The following FOXP1 variants were observed in gnomAD, a reference collection of about 807,000 sequenced individuals.
FOXP1 encodes the protein forkhead box P1.
FOXP1 carries 15 observed loss-of-function variants against 98.2 expected under a neutral mutation model. That is an observed-to-expected ratio of 0.15 (90% CI 0.10 to 0.24). The LOEUF (loss-of-function observed/expected upper bound fraction) is 0.24, where lower values mean the gene tolerates loss of function less well. Ranked by LOEUF, FOXP1 falls within the 10% of genes least tolerant of loss-of-function variation. FOXP1 has a pLI of 1.00. For missense variants in FOXP1, 633 were observed against 848.5 expected (o/e 0.75, Z 3.15); for synonymous variants, 371 against 314.5 (o/e 1.18, Z -1.90).
chr3:71,015,470 A>T, intron 12 of FOXP1, 79 bp downstream of exon 12: 1 of 952,418 alleles, frequency 1.0e-6, no homozygotes. Flanking sequence ...TCCATCAAAA[A>T]GGCATTTTAT....
chr3:71,528,397 T>C (rs2043565542), intron 2 of FOXP1, among the ~76,000 whole-genome samples: 1 of 152,236 alleles, frequency 6.6e-6, no homozygotes, highest in Non-Finnish European at 1.5e-5. Context: ...CCTAATTATA[T>C]ACCGCCTAAA....
At chr3:71,430,814 T>G (rs2084639245) in intron 3 of FOXP1, among the ~76,000 whole-genome samples, 1 of 151,304 alleles carries the variant, frequency 6.6e-6, no homozygotes, top group African/African-American at 2.4e-5. Context: ...CATGGGCTGT[T>G]GGGGGAGGGG....
chr3:71,380,306 T>C (rs1470869729), intron 3 of FOXP1, among the ~76,000 whole-genome samples: 8 of 152,180 alleles, frequency 5.3e-5, no homozygotes, highest in Non-Finnish European at 1.2e-4. Flanking sequence ...GTTCTAATTT[T>C]ACATCCACAA....
At chr3:71,140,994 C>T (rs1044885033) in intron 6 of FOXP1, among the ~76,000 whole-genome samples, 3 of 151,312 alleles carry the variant, frequency 2.0e-5, no homozygotes, top group African/African-American at 7.3e-5. Context: ...CCAGGCTGGG[C>T]GTGGTGGTTC....
At chr3:70,995,553 T>C (rs2041246251) in intron 13 of FOXP1, among the ~76,000 whole-genome samples, 1 of 152,208 alleles carries the variant, frequency 6.6e-6, no homozygotes, top group Admixed American at 6.5e-5. Context: ...CCCAAATGAT[T>C]TTTATGGTGT....
chr3:71,278,748 C>T (rs2071188170), intron 5 of FOXP1, among the ~76,000 whole-genome samples: 1 of 152,226 alleles, frequency 6.6e-6, no homozygotes, highest in South Asian at 2.1e-4. Context: ...TGCCACTGTA[C>T]TCCAGCCTGG....
chr3:71,384,217 AAAACAAAC>A lies in FOXP1; in HGVS notation c.-167-24981_-167-24974del, dbSNP rs57270594. ...CAACAGAGTGGGACTCCGTCTCAGCAAAACAAACAAACAAACAAACAAACAAACCAACA... is the reference window on the plus strand; with the variant it reads ...CAACAGAGTGGGACTCCGTCTCAGCAAAACAAACAAACAAACAAACCAACA... On this transcript the variant is annotated intron_variant, in intron 3 of 20. Transcript: ENST00000649528. 6.8e-4 allele frequency among the ~76,000 whole-genome samples: 103 copies of A among 152,202 alleles called. 2 individuals carry two copies. The highest frequency in any genetic ancestry group is 2.2e-3 in the African/African-American group (92 of 41,500).
At chr3:71,480,025 G>C (rs2090149074) in intron 3 of FOXP1, among the ~76,000 whole-genome samples, 1 of 152,100 alleles carries the variant, frequency 6.6e-6, no homozygotes, top group African/African-American at 2.4e-5. Context: ...GGGAAACCCT[G>C]TCTCTACTAA....
chr3:71,520,077 A>G (rs1255109059), intron 2 of FOXP1, among the ~76,000 whole-genome samples: 1 of 152,252 alleles, frequency 6.6e-6, no homozygotes, highest in Non-Finnish European at 1.5e-5. Flanking sequence ...AGAAGAAAAG[A>G]AAGTGCATGA....
At chr3:71,021,870 G>GT (rs2107799303) in intron 11 of FOXP1, among the ~76,000 whole-genome samples, 1 of 152,222 alleles carries the variant, frequency 6.6e-6, no homozygotes, top group South Asian at 2.1e-4. Flanking sequence ...TAATTGGGCT[G>GT]TTTTTTGCAA....
At chr3:71,226,358 G>A (rs895224388) in intron 5 of FOXP1, among the ~76,000 whole-genome samples, 1 of 152,170 alleles carries the variant, frequency 6.6e-6, no homozygotes, top group African/African-American at 2.4e-5. Context: ...CTAGATGGAT[G>A]AGGCTGACAT....
intron 17 of FOXP1, among the ~76,000 whole-genome samples, chr3:70,976,024 T>C (rs2037422374): frequency 1.9e-5 from 2 of 105,872 alleles, no homozygotes; most frequent in African/African-American, 5.8e-5. Flanking sequence ...TTTTCTTCCT[T>C]AGTATATCTA....
intron 6 of FOXP1, among the ~76,000 whole-genome samples, chr3:71,176,743 C>CAAAAA (rs573639526): frequency 2.3e-4 from 17 of 75,548 alleles, no homozygotes; most frequent in African/African-American, 9.3e-4. Context: ...GAGGCTATCT[C>CAAAAA]AAAAAAAAAA....
intron 4 of FOXP1, among the ~76,000 whole-genome samples, chr3:71,308,752 TGTGTGTG>T (rs2074465955): frequency 5.0e-4 from 2 of 3,978 alleles, no homozygotes; most frequent in Non-Finnish European, 8.1e-3. Flanking sequence ...TACCACAATG[TGTGTGTG>T]TGTGTGTGTG....
intron 18 of FOXP1, chr3:70,971,768 C>T (rs957511722): frequency 2.5e-5 from 9 of 362,504 alleles, no homozygotes; most frequent in East Asian, 8.5e-5. Flanking sequence ...CTAGGGTCCC[C>T]GTAAGCTGCT....
rs554687273 is a variant in FOXP1, at chr3:71,366,696, G to A, written c.-167-7452C>T. Among the ~76,000 whole-genome samples the A allele has an allele frequency of 2.0e-5, 3 of 152,270 alleles. No homozygotes were observed. The East Asian group carries it at 5.8e-4, about 29-fold the overall frequency. ...ACTCATTTATTAATGGCTTTTGACT[G>A]TCTTGTTTCCAGACTAGAAGTGTCT... On this transcript the variant is annotated intron_variant, in intron 3 of 20. Transcript: ENST00000649528.
chr3:71,008,617 T>C (rs1427874116), intron 12 of FOXP1, among the ~76,000 whole-genome samples: 3 of 152,162 alleles, frequency 2.0e-5, no homozygotes, highest in Non-Finnish European at 4.4e-5. Flanking sequence ...GCAAGTTGTT[T>C]TCAGAAGAAA....
chr3:71,109,382 A>AG (rs1422174402), intron 7 of FOXP1, among the ~76,000 whole-genome samples: 1 of 151,594 alleles, frequency 6.6e-6, no homozygotes, highest in Non-Finnish European at 1.5e-5. Flanking sequence ...GGGAAGTGTG[A>AG]GATATGCTTA....
chr3:71,543,593 GTGTA>G (rs1323760666), intron 2 of FOXP1: 2 of 152,302 alleles, frequency 1.3e-5, no homozygotes, highest in Non-Finnish European at 2.9e-5. Context: ...AGATCCAAGG[GTGTA>G]TGTGACAAGT....
Sources: allele counts gnomAD v4.1 joint callset (sites outside exome capture counted in the v4.1 genomes callset), GRCh38; gene constraint gnomAD v4.1.1; transcripts MANE v1.5; gene names NCBI Gene and HGNC (gene_info 2026-07-23, HGNC 2026-07-21).